The following SHISA9 variants were observed in gnomAD, a reference collection of about 807,000 sequenced individuals.
SHISA9 encodes protein shisa-9.
In SHISA9, 13 loss-of-function variants were observed where a neutral mutation model predicts 38.0. The observed-to-expected ratio is 0.34, with a 90% confidence interval of 0.22 to 0.54. SHISA9 has a LOEUF of 0.54. SHISA9 is among the 20% of genes least tolerant of loss of function. SHISA9 has a pLI of 0.91. For missense variants in SHISA9, 538 were observed against 575.8 expected (o/e 0.93, Z 0.67); for synonymous variants, 275 against 242.0 (o/e 1.14, Z -1.27).
rs2051026049 is a variant in SHISA9, at chr16:13,203,449, C to G, written c.747C>G (p.Gly249=). Residue 249 remains glycine, a synonymous_variant, in exon 3 of 5, where the codon GGC becomes GGG. Transcript: ENST00000558583. ...CCTCTCCTCTGCTCCAGCAGATGGGCCATCCACATTCGTACCCGAACCTGG... is the reference window on the plus strand; with the variant it reads ...CCTCTCCTCTGCTCCAGCAGATGGGGCATCCACATTCGTACCCGAACCTGG... ...VPTSPLLQQM[G]HPHSYPNLGQ... The G allele has an allele frequency of 1.3e-6, 2 of 1,550,860 alleles. No individual in the cohort carries two copies. The highest frequency in any genetic ancestry group is 1.7e-6 in the Non-Finnish European group (2 of 1,146,584).
intron 2 of SHISA9, among the ~76,000 whole-genome samples, chr16:12,974,920 A>G (rs1423593068): frequency 2.0e-5 from 3 of 152,180 alleles, no homozygotes; most frequent in African/African-American, 4.8e-5. Flanking sequence ...CTGTATCTAT[A>G]TCTATCTCTC....
the SHISA9 span, among the ~76,000 whole-genome samples, chr16:13,409,222 C>T: frequency 6.6e-6 from 1 of 152,194 alleles, no homozygotes; most frequent in Non-Finnish European, 1.5e-5. Flanking sequence ...CACTCCATCC[C>T]CCTTCCAGTT....
chr16:13,208,042 G>T (rs761508424), intron 3 of SHISA9, among the ~76,000 whole-genome samples: 6 of 152,090 alleles, frequency 3.9e-5, no homozygotes, highest in Non-Finnish European at 8.8e-5. Context: ...CAGAGCTCTG[G>T]GAAGATGATC....
chr16:13,204,230 A>T (rs545256874), intron 3 of SHISA9, among the ~76,000 whole-genome samples: 1 of 149,802 alleles, frequency 6.7e-6, no homozygotes, highest in African/African-American at 2.4e-5. Context: ...CTATCTATCT[A>T]TCTATCTATC....
the SHISA9 span, among the ~76,000 whole-genome samples, chr16:13,482,805 A>AC: frequency 6.6e-6 from 1 of 150,950 alleles, no homozygotes; most frequent in Non-Finnish European, 1.5e-5. Context: ...TGTCACTAAA[A>AC]AAAAAAAAAA....
At chr16:13,485,620 C>G in the SHISA9 span, among the ~76,000 whole-genome samples, 4 of 152,150 alleles carry the variant, frequency 2.6e-5, no homozygotes, top group Admixed American at 1.3e-4. Flanking sequence ...TTCATCACCT[C>G]AAACTTTTAT....
At chr16:12,975,061 C>G (rs1334608814) in intron 2 of SHISA9, among the ~76,000 whole-genome samples, 1 of 152,078 alleles carries the variant, frequency 6.6e-6, no homozygotes, top group Non-Finnish European at 1.5e-5. Context: ...TTGTTGAGCA[C>G]CTGTTGTGAC....
At chr16:13,545,649 G>A in the SHISA9 span, among the ~76,000 whole-genome samples, 4 of 152,098 alleles carry the variant, frequency 2.6e-5, no homozygotes, top group Admixed American at 1.3e-4. Flanking sequence ...CACCTGTTGC[G>A]TCCCCTGGCA....
At chr16:12,945,441 G>A (rs1203533178) in intron 2 of SHISA9, among the ~76,000 whole-genome samples, 1 of 152,158 alleles carries the variant, frequency 6.6e-6, no homozygotes, top group Non-Finnish European at 1.5e-5. Flanking sequence ...ATCAATAAGT[G>A]TTATTTTTCC....
chr16:13,080,244 G>A (rs950303194), intron 2 of SHISA9, among the ~76,000 whole-genome samples: 7 of 152,056 alleles, frequency 4.6e-5, no homozygotes, highest in African/African-American at 1.4e-4. Context: ...GTGGTGGTGG[G>A]CGCCTGTAAT....
At chr16:13,024,722 G>A (rs116085985) in intron 2 of SHISA9, among the ~76,000 whole-genome samples, 66 of 152,258 alleles carry the variant, frequency 4.3e-4, no homozygotes, top group African/African-American at 1.5e-3. Context: ...TAAAGTAGGG[G>A]GTGACAATAC....
chr16:12,962,123 G>A (rs537541660), intron 2 of SHISA9, among the ~76,000 whole-genome samples: 16 of 152,226 alleles, frequency 1.1e-4, no homozygotes, highest in Non-Finnish European at 2.1e-4. Context: ...CGATGCGAAG[G>A]CACTGCTGTC....
the SHISA9 span, among the ~76,000 whole-genome samples, chr16:13,366,748 G>A: frequency 6.6e-6 from 1 of 152,102 alleles, no homozygotes; most frequent in Non-Finnish European, 1.5e-5. Flanking sequence ...AGCGCTTTGG[G>A]AGGCCGAGGT....
At chr16:13,472,162 C>T in the SHISA9 span, among the ~76,000 whole-genome samples, 1 of 152,170 alleles carries the variant, frequency 6.6e-6, no homozygotes, top group Non-Finnish European at 1.5e-5. Flanking sequence ...TGCTGGCCCA[C>T]AGATGTGAAT....
intron 2 of SHISA9, among the ~76,000 whole-genome samples, chr16:13,019,968 TTTCCTTCC>T (rs750335000): frequency 1.5e-3 from 66 of 43,232 alleles, no homozygotes; most frequent in African/African-American, 2.5e-3. Flanking sequence ...TCCCTCCTTC[TTTCCTTCC>T]TTCCTTCCTT....
At chr16:13,392,079 T>C in the SHISA9 span, among the ~76,000 whole-genome samples, 9 of 152,278 alleles carry the variant, frequency 5.9e-5, no homozygotes, top group South Asian at 1.7e-3. Context: ...GCAGCTTTCC[T>C]ACCTGGTTTT....
chr16:13,469,365 A>AAAAGAAAAGAAAGAAAG, the SHISA9 span, among the ~76,000 whole-genome samples: 1 of 64,456 alleles, frequency 1.6e-5, no homozygotes, highest in African/African-American at 6.7e-5. Context: ...AAAGAAAAGA[A>AAAAGAAAAGAAAGAAAG]AAAGAAAGAA....
chr16:13,235,008 A>T, intron 4 of SHISA9, 22 bp from the exon 5 acceptor site: 1 of 1,506,950 alleles, frequency 6.6e-7, no homozygotes, highest in African/African-American at 1.4e-5. Flanking sequence ...CCCCTTCTTC[A>T]TCCACCCGTT....
intron 2 of SHISA9, among the ~76,000 whole-genome samples, chr16:12,950,618 T>G (rs2071741866): frequency 7.1e-6 from 1 of 141,676 alleles, no homozygotes; most frequent in African/African-American, 2.6e-5. Context: ...TTTTAATTTG[T>G]TTTTTTTTTT....
Sources: allele counts gnomAD v4.1 joint callset (sites outside exome capture counted in the v4.1 genomes callset), GRCh38; gene constraint gnomAD v4.1.1; transcripts MANE v1.5; gene names NCBI Gene and HGNC (gene_info 2026-07-23, HGNC 2026-07-21).